Variants in CARMIL1 observed in about 807,000 individuals in gnomAD.
CARMIL1 encodes capping protein regulator and myosin 1 linker 1.
A neutral mutation model predicts 177.1 loss-of-function variants in CARMIL1; 90 were observed. That is an observed-to-expected ratio of 0.51 (90% CI 0.43 to 0.61). The LOEUF (loss-of-function observed/expected upper bound fraction) is 0.61, where lower values mean the gene tolerates loss of function less well. CARMIL1 is among the 20% of genes least tolerant of loss of function. The probability of loss-of-function intolerance (pLI) is 0.00; values close to 1 mark genes in which losing one functional copy is unlikely to be tolerated. For missense variants in CARMIL1, 1,380 were observed against 1,667.0 expected (o/e 0.83, Z 3.00); for synonymous variants, 577 against 606.2 (o/e 0.95, Z 0.71).
At chr6:25,471,394 AT>A (rs1801087049) in intron 10 of CARMIL1, 137 bp downstream of exon 10, 2 of 570,566 alleles carry the variant, frequency 3.5e-6, no homozygotes, top group Non-Finnish European at 6.0e-6. Flanking sequence ...TGGGAAAAAA[AT>A]ATCCCTATAA....
rs1054402790 is a variant in CARMIL1 at position 25,481,196 on chromosome 6, A to G, written c.875-1061A>G. Reference sequence around the variant, plus strand: ...GATTAGCATACTCAAGTCTCTAGAAATACTCCGATAAAAACCTGTTTAACA... The same window carrying G: ...GATTAGCATACTCAAGTCTCTAGAAGTACTCCGATAAAAACCTGTTTAACA... On this transcript the variant is annotated intron_variant, in intron 11 of 36. Transcript: ENST00000329474. Among the ~76,000 whole-genome samples, 16 of 152,120 alleles carry G rather than the reference A, an allele frequency of 1.1e-4. No individual in the cohort carries two copies. The East Asian group carries it at 2.7e-3, about 26-fold the overall frequency.
At chr6:25,288,578 C>T (rs1307345005) in intron 2 of CARMIL1, among the ~76,000 whole-genome samples, 1 of 148,564 alleles carries the variant, frequency 6.7e-6, no homozygotes, top group Non-Finnish European at 1.5e-5. Flanking sequence ...TATTTAAATA[C>T]TGCATAGCAC....
chr6:25,318,346 T>G (rs931672666), intron 2 of CARMIL1, among the ~76,000 whole-genome samples: 1 of 151,882 alleles, frequency 6.6e-6, no homozygotes, highest in African/African-American at 2.4e-5. Context: ...ACGGGTGAGG[T>G]GCAGAGAGTA....
At chr6:25,313,681 C>CTGCATATATATATGTATATATGTGTG (rs1162745485) in intron 2 of CARMIL1, among the ~76,000 whole-genome samples, 1 of 116,240 alleles carries the variant, frequency 8.6e-6, no homozygotes, top group African/African-American at 3.9e-5. Context: ...CCAGGGAAGG[C>CTGCATATATATATGTATATATGTGTG]TGTATATATA....
At chr6:25,459,439 G>T (rs1415576679) in intron 8 of CARMIL1, among the ~76,000 whole-genome samples, 1 of 151,242 alleles carries the variant, frequency 6.6e-6, no homozygotes, top group Non-Finnish European at 1.5e-5. Context: ...TATTTGTAAA[G>T]ATGGGATTTC....
chr6:25,585,807 T>C (rs1257825808), intron 31 of CARMIL1, among the ~76,000 whole-genome samples: 2 of 152,040 alleles, frequency 1.3e-5, no homozygotes, highest in African/African-American at 4.8e-5. Context: ...TGCACCGCCC[T>C]TAATCCATTT....
At chr6:25,293,374 C>T (rs1782139105) in intron 2 of CARMIL1, among the ~76,000 whole-genome samples, 1 of 149,818 alleles carries the variant, frequency 6.7e-6, no homozygotes, top group African/African-American at 2.5e-5. Flanking sequence ...CATCTTGTTT[C>T]TTAGGAGAAG....
chr6:25,487,853 T>A (rs1161065174), intron 12 of CARMIL1, among the ~76,000 whole-genome samples: 1 of 152,218 alleles, frequency 6.6e-6, no homozygotes, highest in African/African-American at 2.4e-5. Context: ...AATTTGTCAG[T>A]TTAGTTCAGT....
rs748360806 is a variant in CARMIL1 at position 25,451,995 on chromosome 6, T to TCCCCCCCC, written c.614+1286_614+1293dup. The TCCCCCCCC allele has an allele frequency of 1.0e-4, 15 of 144,224 alleles. 2 individuals carry two copies. The highest frequency in any genetic ancestry group is 1.7e-4 in the Admixed American group (2 of 11,488). 8.9% of individuals were successfully genotyped at this position (144,224 alleles called of 1,614,324 possible). ...TCATCACTAGCATCTTGCCCCCCCC[T>TCCCCCCCC]CCCCCCCCCAGAATACTGTTTTGAA... On this transcript the variant is annotated intron_variant, in intron 8 of 36. Coordinates refer to ENST00000329474, the MANE Select transcript of CARMIL1 (RefSeq NM_017640.6).
intron 2 of CARMIL1, among the ~76,000 whole-genome samples, chr6:25,413,247 A>C (rs540370116): frequency 6.6e-6 from 1 of 152,324 alleles, no homozygotes; most frequent in African/African-American, 2.4e-5. Context: ...GATGGCATTC[A>C]TCATTTAGTT....
intron 2 of CARMIL1, among the ~76,000 whole-genome samples, chr6:25,391,676 T>C (rs1038991971): frequency 6.6e-6 from 1 of 152,204 alleles, no homozygotes; most frequent in Non-Finnish European, 1.5e-5. Context: ...AATTACAGAT[T>C]CCTTAGTTGC....
At chr6:25,490,779 A>G (rs77110127) in intron 13 of CARMIL1, among the ~76,000 whole-genome samples, 4,712 of 152,168 alleles carry the variant, frequency 0.031, 106 homozygotes, top group South Asian at 0.1. Context: ...TTCTGTGTGT[A>G]TGGTTATTTT....
intron 27 of CARMIL1, 105 bp downstream of exon 27, chr6:25,551,190 T>C (rs1000154563): frequency 3.4e-6 from 2 of 593,474 alleles, no homozygotes; most frequent in Non-Finnish European, 5.4e-6. Context: ...ATAATGTGTT[T>C]AGGCATGTTT....
intron 31 of CARMIL1, among the ~76,000 whole-genome samples, chr6:25,585,662 G>T (rs918590166): frequency 3.3e-5 from 5 of 152,140 alleles, no homozygotes; most frequent in East Asian, 1.9e-4. Context: ...TGTGAACAAG[G>T]GTCTCTGGTT....
intron 35 of CARMIL1, among the ~76,000 whole-genome samples, chr6:25,606,750 G>C (rs1208452578): frequency 6.6e-6 from 1 of 152,178 alleles, no homozygotes; most frequent in Non-Finnish European, 1.5e-5. Context: ...CAATGGGCCT[G>C]TTTTTGTGAA....
At chr6:25,472,262 A>G (rs41271813) in intron 10 of CARMIL1, among the ~76,000 whole-genome samples, 165 bp from the exon 11 acceptor site, 23,424 of 152,138 alleles carry the variant, frequency 0.15, 2,191 homozygotes, top group South Asian at 0.25. Context: ...GGCTTTACAA[A>G]TTCTCTAATG....
chr6:25,283,240 A>G (rs1158869060), intron 1 of CARMIL1, among the ~76,000 whole-genome samples: 1 of 152,222 alleles, frequency 6.6e-6, no homozygotes, highest in Non-Finnish European at 1.5e-5. Context: ...GGTTTATTCA[A>G]AAATGACTGC....
chr6:25,530,774 C>A lies in CARMIL1; in HGVS notation c.2067+1881C>A, dbSNP rs76671656. On this transcript the variant is annotated intron_variant, in intron 24 of 36. Coordinates refer to ENST00000329474, the MANE Select transcript of CARMIL1 (RefSeq NM_017640.6). ...TAGGATATGATAGCAGAGATGAAATCGTAGAAGTTATACAAGCTGAGAGAA... is the reference window on the plus strand; with the variant it reads ...TAGGATATGATAGCAGAGATGAAATAGTAGAAGTTATACAAGCTGAGAGAA... Among the ~76,000 whole-genome samples the A allele has an allele frequency of 8.7e-4, 132 of 152,162 alleles. No individual in the cohort carries two copies. In the East Asian group the frequency reaches 0.011, roughly 13 times the overall value.
intron 32 of CARMIL1, among the ~76,000 whole-genome samples, chr6:25,595,181 A>G (rs1450924661): frequency 2.0e-5 from 3 of 152,238 alleles, no homozygotes; most frequent in Non-Finnish European, 2.9e-5. Flanking sequence ...GTCTTTAAGC[A>G]TGATTTGTAC....
Sources: allele counts gnomAD v4.1 joint callset (sites outside exome capture counted in the v4.1 genomes callset), GRCh38; gene constraint gnomAD v4.1.1; transcripts MANE v1.5; gene names NCBI Gene and HGNC (gene_info 2026-07-23, HGNC 2026-07-21).